STK32B: variants seen among roughly 807,000 people sequenced by gnomAD.
STK32B encodes serine/threonine-protein kinase 32B.
Under a neutral mutation model 52.6 loss-of-function variants are expected in STK32B, and 43 were observed. The observed-to-expected ratio is 0.82, with a 90% CI of 0.64 to 1.05. The LOEUF (loss-of-function observed/expected upper bound fraction) is 1.05, where lower values mean the gene tolerates loss of function less well. STK32B is among the 50% of genes least tolerant of loss of function. The pLI is 0.00. For synonymous variants in STK32B, 238 were observed against 204.3 expected (o/e 1.17, Z -1.41); for missense variants, 621 against 534.6 (o/e 1.16, Z -1.59).
rs1465418095 is a variant in STK32B, at chr4:5,061,756, C to CCAAA, written c.52+9842_52+9845dup. On this transcript the variant is annotated intron_variant, in intron 1 of 11. Coordinates refer to ENST00000282908, the MANE Select transcript of STK32B (RefSeq NM_018401.3). ...AGAATGTAGCTCTGTGGTGTTCTTA[C>CCAAA]CAAAGCCTGGGTGTTTACCAAGCCT... 3.9e-5 allele frequency among the ~76,000 whole-genome samples: 6 copies of CCAAA among 152,108 alleles called. No individual in the cohort carries two copies. In the East Asian group the frequency reaches 1.2e-3, roughly 29 times the overall value.
chr4:5,447,902 A>T (rs1448971706), intron 7 of STK32B, among the ~76,000 whole-genome samples: 2 of 152,234 alleles, frequency 1.3e-5, no homozygotes, highest in South Asian at 2.1e-4. Flanking sequence ...AAAGAGCCAG[A>T]TTCTCCCACA....
chr4:5,356,884 G>T (rs1243161094), intron 4 of STK32B, among the ~76,000 whole-genome samples: 2 of 152,128 alleles, frequency 1.3e-5, no homozygotes, highest in East Asian at 3.9e-4. Flanking sequence ...TGTAGTCCCA[G>T]CTACTCAGGA....
intron 3 of STK32B, among the ~76,000 whole-genome samples, chr4:5,328,669 A>C (rs1732029430): frequency 6.6e-6 from 1 of 152,240 alleles, no homozygotes; most frequent in African/African-American, 2.4e-5. Context: ...ATAATGTTTG[A>C]AATTTTGCAA....
Position 5,216,244 on chromosome 4 carries a change from G to A in STK32B, c.260+47794G>A, listed in dbSNP as rs570464744. 1.5e-3 allele frequency among the ~76,000 whole-genome samples: 222 copies of A among 152,264 alleles called. 2 individuals carry two copies. The highest frequency in any genetic ancestry group is 5.0e-3 in the African/African-American group (209 of 41,542). ...CAAGTCTCTAGGAAATGCTGATGCT[G>A]CTGGTCTGGGGAGCCACACTTTAAG... is the stretch of plus-strand genomic sequence containing the variant. On this transcript the variant is annotated intron_variant, in intron 3 of 11. Coordinates refer to ENST00000282908, the MANE Select transcript of STK32B (RefSeq NM_018401.3).
intron 11 of STK32B, among the ~76,000 whole-genome samples, chr4:5,491,662 A>C (rs907470413): frequency 2.0e-4 from 30 of 151,936 alleles, no homozygotes; most frequent in Admixed American, 3.9e-4. Flanking sequence ...CCATGCCTAT[A>C]TCCTGAATGG....
In STK32B at chr4:5,460,472, C is replaced by A. The variant is rs1035204691; in HGVS notation, c.909+244C>A. Among the ~76,000 whole-genome samples the A allele has an allele frequency of 6.6e-6, 1 of 152,210 alleles. No homozygotes were observed. The highest frequency in any genetic ancestry group is 2.4e-5 in the African/African-American group (1 of 41,452). ...CCAAGCCTTCTCTCTGTCACTGAAT[C>A]CCACCTCCAGGTGCTCAGGTCCAGG... On this transcript the variant is annotated intron_variant, in intron 9 of 11. Coordinates refer to ENST00000282908, the MANE Select transcript of STK32B (RefSeq NM_018401.3). This position sits in a 1 kb window ranked among gnomAD's most constrained non-coding sequence, Gnocchi z 4.8.
At position 5,318,466 on chromosome 4, in the gene STK32B, A is replaced by T. The variant is rs369275756; in HGVS notation, c.261-12754A>T. ...GAAGAATGAAAGCCAAAATAAATAGATTGAGAAAAAAAAAGTTAGGAGCAA... is the reference window on the plus strand; with the variant it reads ...GAAGAATGAAAGCCAAAATAAATAGTTTGAGAAAAAAAAAGTTAGGAGCAA... On this transcript the variant is annotated intron_variant, in intron 3 of 11. Coordinates refer to ENST00000282908, the MANE Select transcript of STK32B (RefSeq NM_018401.3). Among the ~76,000 whole-genome samples the T allele has an allele frequency of 2.3e-4, 35 of 152,148 alleles. 1 individual carries two copies. In the South Asian group the frequency reaches 7.3e-3, roughly 32 times the overall value.
chr4:5,110,754 A>G (rs1714361210), intron 1 of STK32B, among the ~76,000 whole-genome samples: 2 of 152,102 alleles, frequency 1.3e-5, no homozygotes, highest in African/African-American at 4.8e-5. Context: ...ACAAAAAAAT[A>G]GACAAATGGG....
intron 3 of STK32B, among the ~76,000 whole-genome samples, chr4:5,312,506 C>T (rs1341230834): frequency 6.6e-6 from 1 of 150,476 alleles, no homozygotes; most frequent in Admixed American, 6.7e-5. Context: ...TCTCATTGTT[C>T]AATTCCCACC....
intron 1 of STK32B, among the ~76,000 whole-genome samples, chr4:5,114,767 C>T (rs907134989): frequency 2.6e-5 from 4 of 152,172 alleles, no homozygotes; most frequent in African/African-American, 9.7e-5. Flanking sequence ...CTGTTCCTCC[C>T]GCAGGGGCCA....
intron 4 of STK32B, among the ~76,000 whole-genome samples, chr4:5,393,613 G>A (rs187453907): frequency 6.6e-6 from 1 of 152,110 alleles, no homozygotes. Context: ...GAGAGACAGT[G>A]GGGGAGGTGC....
chr4:5,387,363 G>A (rs1736327358), intron 4 of STK32B, among the ~76,000 whole-genome samples: 1 of 152,188 alleles, frequency 6.6e-6, no homozygotes, highest in African/African-American at 2.4e-5. Context: ...GCACCTACTG[G>A]GAAGGACAAG....
At chr4:5,054,464 G>C (rs565102345) in intron 1 of STK32B, among the ~76,000 whole-genome samples, 1 of 151,400 alleles carries the variant, frequency 6.6e-6, no homozygotes, top group African/African-American at 2.4e-5. Context: ...TTCAGAGAAA[G>C]GGAAGAGTAT....
intron 1 of STK32B, among the ~76,000 whole-genome samples, chr4:5,055,152 G>T (rs766444743): frequency 1.6e-4 from 25 of 152,028 alleles, no homozygotes; most frequent in Non-Finnish European, 3.4e-4. Context: ...GGCAGTGGTG[G>T]GATCTTAGCT....
chr4:5,237,904 T>G (rs1343298239), intron 3 of STK32B, among the ~76,000 whole-genome samples: 1 of 152,192 alleles, frequency 6.6e-6, no homozygotes, highest in African/African-American at 2.4e-5. Context: ...TTTATTTGGA[T>G]GGATAAAATT....
intron 1 of STK32B, among the ~76,000 whole-genome samples, chr4:5,139,164 C>T (rs6841490): frequency 0.011 from 1,703 of 152,192 alleles, 32 homozygotes; most frequent in African/African-American, 0.038. Context: ...CAACATGGAG[C>T]TACCTGATGA....
chr4:5,491,454 G>C (rs1204444843), intron 11 of STK32B, among the ~76,000 whole-genome samples: 3 of 152,166 alleles, frequency 2.0e-5, no homozygotes, highest in Non-Finnish European at 4.4e-5. Context: ...ATTTGTTTGA[G>C]TTCATTGTAG....
chr4:5,298,254 C>G (rs541479157), intron 3 of STK32B, among the ~76,000 whole-genome samples: 15 of 152,284 alleles, frequency 9.9e-5, no homozygotes, highest in African/African-American at 3.6e-4. Flanking sequence ...AGTCAGGAGG[C>G]ACAGGGGTTA....
chr4:5,243,133 A>C (rs1270883449), intron 3 of STK32B, among the ~76,000 whole-genome samples: 1 of 152,150 alleles, frequency 6.6e-6, no homozygotes, highest in African/African-American at 2.4e-5. Context: ...TGGTAGCTTG[A>C]TGGGGATGGC....
Sources: allele counts gnomAD v4.1 joint callset (sites outside exome capture counted in the v4.1 genomes callset), GRCh38; gene constraint gnomAD v4.1.1; non-coding constraint Gnocchi (gnomAD v3.1); transcripts MANE v1.5; gene names NCBI Gene and HGNC (gene_info 2026-07-23, HGNC 2026-07-21).